Variants in AR observed in about 807,000 individuals in gnomAD.
The protein encoded by AR is androgen receptor, also known as dihydrotestosterone receptor.
Under a neutral mutation model 53.9 loss-of-function variants are expected in AR, and 8 were observed. The observed-to-expected ratio is 0.15, with a 90% confidence interval of 0.09 to 0.27. The LOEUF (loss-of-function observed/expected upper bound fraction) is 0.27, where lower values mean the gene tolerates loss of function less well. Among genes scored for constraint, AR ranks in the 10% least tolerant of loss-of-function variants. The pLI, the probability that AR is intolerant of heterozygous loss-of-function variation, is 1.00. For synonymous variants in AR, 359 were observed against 316.4 expected, an observed-to-expected ratio of 1.13 and a Z score of -1.43; for missense variants, 639 against 742.5, an observed-to-expected ratio of 0.86 and a Z score of 1.62.
At chrX:67,559,349 G>A (rs73633119) in intron 1 of AR, among the ~76,000 whole-genome samples, 253 of 112,045 alleles carry the variant, frequency 2.3e-3, no homozygotes, top group African/African-American at 7.9e-3. Context: ...ACAGAGAATT[G>A]GGAGAGTGAG....
chrX:67,682,506 G>T (rs779741844), intron 2 of AR, among the ~76,000 whole-genome samples: 1 of 109,825 alleles, frequency 9.1e-6, no homozygotes, highest in African/African-American at 3.3e-5. Flanking sequence ...GCCCAGGCTG[G>T]TCTCAAACTC....
At chrX:67,677,253 A>T (rs147846631) in intron 2 of AR, among the ~76,000 whole-genome samples, 2 of 112,029 alleles carry the variant, frequency 1.8e-5, no homozygotes, top group African/African-American at 6.5e-5. Flanking sequence ...TTAAAATCAC[A>T]TGATCTTCCA....
At chrX:67,666,470 A>G (rs1306945879) in intron 2 of AR, among the ~76,000 whole-genome samples, 1 of 112,048 alleles carries the variant, frequency 8.9e-6, no homozygotes, top group Non-Finnish European at 1.9e-5. Flanking sequence ...CTGTTGATAG[A>G]CAAGAGTTGC....
intron 1 of AR, among the ~76,000 whole-genome samples, chrX:67,623,727 G>C (rs1924482123): frequency 9.1e-6 from 1 of 110,027 alleles, no homozygotes; most frequent in Non-Finnish European, 1.9e-5. Context: ...CAACAAAACT[G>C]AAAAAAACTT....
intron 2 of AR, among the ~76,000 whole-genome samples, chrX:67,654,238 C>G (rs1926483530): frequency 9.0e-6 from 1 of 111,300 alleles, no homozygotes; most frequent in African/African-American, 3.3e-5. Context: ...AGTTTTGTAT[C>G]CTTTTCCTAG....
intron 1 of AR, among the ~76,000 whole-genome samples, chrX:67,568,285 C>A (rs1329623313): frequency 9.0e-6 from 1 of 111,648 alleles, no homozygotes; most frequent in Non-Finnish European, 1.9e-5. Context: ...TGAAAGAGGG[C>A]AAGTTTATGC....
At chrX:67,692,272 G>C (rs1208441155) in intron 3 of AR, among the ~76,000 whole-genome samples, 1 of 112,355 alleles carries the variant, frequency 8.9e-6, no homozygotes, top group Admixed American at 9.4e-5. Flanking sequence ...CTCTAGACTA[G>C]AATTCCAAAG....
intron 1 of AR, among the ~76,000 whole-genome samples, chrX:67,592,467 C>T (rs985116502): frequency 7.8e-4 from 86 of 110,666 alleles, no homozygotes; most frequent in African/African-American, 2.6e-3. Context: ...ATTTTTCTAC[C>T]TTTCTAGGAG....
chrX:67,632,338 C>A (rs185912773), intron 1 of AR, among the ~76,000 whole-genome samples: 2 of 112,963 alleles, frequency 1.8e-5, no homozygotes, highest in East Asian at 5.6e-4. Flanking sequence ...ATATAATCTC[C>A]TGGTGCGCCG....
At chrX:67,670,406 A>T (rs1191529926) in intron 2 of AR, among the ~76,000 whole-genome samples, 1 of 104,090 alleles carries the variant, frequency 9.6e-6, no homozygotes, top group Non-Finnish European at 1.9e-5. Context: ...TTTTATTTAC[A>T]AGAAACATAA....
At chrX:67,612,248 G>A (rs1468784576) in intron 1 of AR, among the ~76,000 whole-genome samples, 2 of 112,122 alleles carry the variant, frequency 1.8e-5, no homozygotes, top group Non-Finnish European at 3.8e-5. Flanking sequence ...CTCTGCTTTG[G>A]CAAAGTCTGG....
chrX:67,550,369 C>T (rs1413444851), intron 1 of AR, among the ~76,000 whole-genome samples: 1 of 111,121 alleles, frequency 9.0e-6, no homozygotes, highest in Admixed American at 9.6e-5. Context: ...TGTTTTCATT[C>T]CCATAGTAAT....
At chrX:67,713,213 T>A (rs2076100546) in intron 4 of AR, among the ~76,000 whole-genome samples, 1 of 110,577 alleles carries the variant, frequency 9.0e-6, no homozygotes, top group Non-Finnish European at 1.9e-5. Flanking sequence ...GTCTTAGATT[T>A]GTATTTCCAA....
chrX:67,550,949 A>G (rs1468989475), intron 1 of AR, among the ~76,000 whole-genome samples: 1 of 104,678 alleles, frequency 9.6e-6, no homozygotes, highest in Non-Finnish European at 1.9e-5. Flanking sequence ...TAACCCCAGT[A>G]TCTCTCCCTT....
At chrX:67,614,018 A>C (rs1978787676) in intron 1 of AR, among the ~76,000 whole-genome samples, 2 of 112,370 alleles carry the variant, frequency 1.8e-5, no homozygotes, top group South Asian at 7.4e-4. Context: ...AACATTAACC[A>C]AAAAGTGGTT....
intron 1 of AR, among the ~76,000 whole-genome samples, chrX:67,595,825 TAAAC>T (rs749016174): frequency 2.7e-4 from 30 of 110,948 alleles, no homozygotes; most frequent in African/African-American, 9.5e-4. Context: ...AATAAATAAA[TAAAC>T]AAATAAGTAA....
intron 3 of AR, among the ~76,000 whole-genome samples, chrX:67,690,692 G>T (rs2075991077): frequency 8.9e-6 from 1 of 111,979 alleles, no homozygotes; most frequent in Non-Finnish European, 1.9e-5. Flanking sequence ...TGGGGAAGCA[G>T]AACTGAATAA....
At chrX:67,606,995 A>G (rs899683343) in intron 1 of AR, among the ~76,000 whole-genome samples, 1 of 111,718 alleles carries the variant, frequency 9.0e-6, no homozygotes. Context: ...CTACAAATAG[A>G]ACACATGGTT....
At chrX:67,600,683 A>T (rs1923311739) in intron 1 of AR, among the ~76,000 whole-genome samples, 2 of 111,515 alleles carry the variant, frequency 1.8e-5, no homozygotes, top group Non-Finnish European at 3.8e-5. Context: ...TGTACATTTT[A>T]AAATAACTAA....
Sources: allele counts gnomAD v4.1 joint callset (sites outside exome capture counted in the v4.1 genomes callset), GRCh38; gene constraint gnomAD v4.1.1; transcripts MANE v1.5; gene names NCBI Gene and HGNC (gene_info 2026-07-23, HGNC 2026-07-21).